RFX3: variants seen among roughly 807,000 people sequenced by gnomAD.
RFX3 encodes the protein transcription factor RFX3.
RFX3 carries 14 observed loss-of-function variants against 98.6 expected under a neutral mutation model. The ratio of observed to expected loss-of-function variants is 0.14; its 90% CI spans 0.09 to 0.22. RFX3 has a LOEUF of 0.22. RFX3 is among the 10% of genes least tolerant of loss of function. RFX3 has a pLI of 1.00. For missense variants in RFX3, 639 were observed against 926.9 expected, an observed-to-expected ratio of 0.69 and a Z score of 4.03; for synonymous variants, 383 against 328.4, an observed-to-expected ratio of 1.17 and a Z score of -1.80.
chr9:3,334,972 A>T, intron 3 of RFX3, among the ~76,000 whole-genome samples: 1 of 152,132 alleles, frequency 6.6e-6, no homozygotes, highest in African/African-American at 2.4e-5. Context: ...AATACAAAAA[A>T]TTAGCCAGGC....
intron 1 of RFX3, among the ~76,000 whole-genome samples, chr9:3,493,701 AT>A (rs1428355492): frequency 0.08 from 7,089 of 89,018 alleles, 253 homozygotes; most frequent in African/African-American, 0.12. Flanking sequence ...AAAAAAAAAA[AT>A]ATATATATAT....
chr9:3,329,627 G>A (rs772037722), intron 4 of RFX3, among the ~76,000 whole-genome samples: 1 of 151,840 alleles, frequency 6.6e-6, no homozygotes, highest in Non-Finnish European at 1.5e-5. Flanking sequence ...ATGGCACATG[G>A]GTAAACATTT....
intron 1 of RFX3, among the ~76,000 whole-genome samples, chr9:3,477,541 C>A (rs1220720426): frequency 6.6e-6 from 1 of 152,116 alleles, no homozygotes; most frequent in Admixed American, 6.6e-5. Flanking sequence ...AGCTATTAAG[C>A]CTATTGAGGA....
intron 1 of RFX3, among the ~76,000 whole-genome samples, chr9:3,445,175 A>C (rs1351059466): frequency 1.3e-5 from 2 of 152,054 alleles, no homozygotes; most frequent in Non-Finnish European, 2.9e-5. Context: ...GCAATAAAGA[A>C]ATCTTCAAAG....
At chr9:3,511,642 A>T (rs1817674242) in intron 1 of RFX3, among the ~76,000 whole-genome samples, 1 of 151,994 alleles carries the variant, frequency 6.6e-6, no homozygotes, top group South Asian at 2.1e-4. Flanking sequence ...TTACAAAATG[A>T]CTCAACTGTT....
chr9:3,399,030 T>C (rs13294761), intron 1 of RFX3, among the ~76,000 whole-genome samples: 3,105 of 151,500 alleles, frequency 0.02, 37 homozygotes, highest in Middle Eastern at 0.045. Flanking sequence ...GATTTGGAAA[T>C]TGGCCTTCTA....
chr9:3,325,273 T>C (rs547334236), intron 4 of RFX3, among the ~76,000 whole-genome samples: 1 of 152,194 alleles, frequency 6.6e-6, no homozygotes, highest in South Asian at 2.1e-4. Context: ...AAACCAAGAA[T>C]AAATAAATAA....
rs578052799 is a variant in RFX3, at chr9:3,351,303, G to A, written c.118-4539C>T. On this transcript the variant is annotated intron_variant, in intron 2 of 16. Coordinates refer to ENST00000617270, the MANE Select transcript of RFX3 (RefSeq NM_001282116.2). ...GAAACTAAAATCTTTTTTTTAAAGT[G>A]TGTATGCACATATATATGTAAATAT... Among the ~76,000 whole-genome samples the A allele has an allele frequency of 3.0e-4, 46 of 151,938 alleles. No homozygotes were observed. In the South Asian group the frequency reaches 9.1e-3, roughly 30 times the overall value.
At chr9:3,446,157 T>C (rs191094949) in intron 1 of RFX3, among the ~76,000 whole-genome samples, 110 of 152,162 alleles carry the variant, frequency 7.2e-4, no homozygotes, top group Non-Finnish European at 1.4e-3. Flanking sequence ...GGCAGGTGAA[T>C]GAGTAAACAA....
chr9:3,386,851 T>C (rs186740478), intron 2 of RFX3, among the ~76,000 whole-genome samples: 1 of 144,934 alleles, frequency 6.9e-6, no homozygotes, highest in East Asian at 1.9e-4. Context: ...AGTCGGGGAA[T>C]ACCTAATGAA....
At position 3,414,523 on chromosome 9, in the gene RFX3, ATG is replaced by A. The variant is rs752022806; in HGVS notation, c.-8-18929_-8-18928del. Among the ~76,000 whole-genome samples the A allele has an allele frequency of 6.1e-3, 912 of 149,968 alleles. 14 individuals are homozygous for A. Among genetic ancestry groups the A allele is most frequent in the Admixed American group, 0.014 (210 of 14,908 alleles). ...TATACATATATAAGAGTATATATAT[ATG>A]TGTGTGTGTGTATATATATGAGTGT... On this transcript the variant is annotated intron_variant, in intron 1 of 16. Transcript: ENST00000617270.
intron 7 of RFX3, among the ~76,000 whole-genome samples, chr9:3,278,674 C>T (rs1352007925): frequency 3.3e-5 from 5 of 151,698 alleles, no homozygotes; most frequent in Non-Finnish European, 7.4e-5. Context: ...CTCAGCTTGC[C>T]TTAGGAAATG....
intron 2 of RFX3, among the ~76,000 whole-genome samples, chr9:3,374,403 G>C (rs1838217653): frequency 6.6e-6 from 1 of 151,092 alleles, no homozygotes; most frequent in South Asian, 2.1e-4. Flanking sequence ...ATTCCCAATA[G>C]TACAGCTTGT....
intron 2 of RFX3, among the ~76,000 whole-genome samples, chr9:3,368,325 C>T (rs1360479197): frequency 6.6e-6 from 1 of 152,086 alleles, no homozygotes; most frequent in East Asian, 1.9e-4. Context: ...TTGTGTGTTT[C>T]TATTCTATCT....
chr9:3,348,386 T>C (rs1438909326), intron 2 of RFX3, among the ~76,000 whole-genome samples: 1 of 151,970 alleles, frequency 6.6e-6, no homozygotes, highest in Non-Finnish European at 1.5e-5. Context: ...GCCACCTGGG[T>C]CTATCTATTA....
At chr9:3,317,316 A>G (rs1830732781) in intron 4 of RFX3, among the ~76,000 whole-genome samples, 1 of 152,244 alleles carries the variant, frequency 6.6e-6, no homozygotes, top group African/African-American at 2.4e-5. Flanking sequence ...GGCTAGCCAC[A>G]TGTAGAAAGC....
At chr9:3,451,060 C>T (rs1230302423) in intron 1 of RFX3, among the ~76,000 whole-genome samples, 1 of 152,082 alleles carries the variant, frequency 6.6e-6, no homozygotes, top group East Asian at 1.9e-4. Context: ...CTGGAGCATC[C>T]TGCAGTGTAG....
At chr9:3,384,404 A>G (rs1839494175) in intron 2 of RFX3, among the ~76,000 whole-genome samples, 1 of 152,220 alleles carries the variant, frequency 6.6e-6, no homozygotes, top group Admixed American at 6.5e-5. Flanking sequence ...CCTGGCGTAT[A>G]CTTCTCAAAT....
At chr9:3,325,704 C>T (rs1831832291) in intron 4 of RFX3, among the ~76,000 whole-genome samples, 1 of 151,908 alleles carries the variant, frequency 6.6e-6, no homozygotes, top group Non-Finnish European at 1.5e-5. Context: ...ATTGCATACT[C>T]TGGTATAAGA....
Sources: gnomAD v4.1 joint callset for allele counts (sites outside exome capture counted in the v4.1 genomes callset) on GRCh38, gnomAD v4.1.1 for gene constraint, MANE v1.5 for transcripts, NCBI Gene and HGNC (gene_info 2026-07-23, HGNC 2026-07-21) for gene names.